Variants in ERVW-1 observed in about 807,000 individuals in gnomAD.
ERVW-1 encodes syncytin-1.
Under a neutral mutation model 16.6 loss-of-function variants are expected in ERVW-1, and 21 were observed. The observed-to-expected ratio is 1.26, with a 90% CI of 0.90 to 1.82. ERVW-1 has a LOEUF of 1.82. Ranked by LOEUF, ERVW-1 falls within the 40% of genes most tolerant of loss-of-function variation. The pLI is 0.00. For synonymous variants in ERVW-1, 161 were observed against 109.8 expected, an observed-to-expected ratio of 1.47 and a Z score of -2.92; for missense variants, 412 against 300.2, an observed-to-expected ratio of 1.37 and a Z score of -2.75.
In ERVW-1 at chr7:92,470,373, G is replaced by A; in HGVS notation, c.9C>T (p.Leu3=). 1.4e-6 allele frequency: 1 copy of A among 703,882 alleles called. No individual in the cohort carries two copies. Among genetic ancestry groups the A allele is most frequent in the South Asian group, 1.6e-5 (1 of 61,660 alleles). 43.6% of individuals were successfully genotyped at this position (703,882 alleles called of 1,614,324 possible). The change falls in exon 2 of 2, where the codon CTC becomes CTT. Residue 3 remains leucine, a synonymous_variant. Transcript: ENST00000603053. ...CAGTAAAGAGAAAAATATGATAAGG[G>A]AGGGCCATGGGGATTTATGATTTTA... is the stretch of plus-strand genomic sequence containing the variant. The part of the protein sequence containing the change: MA[L]PYHIFLFTVL...
chr7:92,472,772 C>T (rs983303945), intron 1 of ERVW-1: 1 of 152,216 alleles, frequency 6.6e-6, no homozygotes, highest in African/African-American at 2.4e-5. Flanking sequence ...GGATGTGTTC[C>T]TCACTGAGGG....
chr7:92,475,062 A>T (rs1404849569), intron 1 of ERVW-1: 2 of 152,134 alleles, frequency 1.3e-5, no homozygotes, highest in Admixed American at 1.3e-4. Context: ...CACTTTTTAC[A>T]TAATTGTGAG....
At chr7:92,476,098 G>A (rs780849875) in intron 1 of ERVW-1, among the ~76,000 whole-genome samples, 9 of 152,166 alleles carry the variant, frequency 5.9e-5, no homozygotes, top group Non-Finnish European at 1.2e-4. Context: ...GCCTAGGTCT[G>A]GTCGGACCTT....
chr7:92,469,346 A>G lies in ERVW-1; in HGVS notation c.1036T>C (p.Phe346Leu). The G allele has an allele frequency of 1.3e-6, 1 of 765,402 alleles. No homozygotes were observed. The highest frequency in any genetic ancestry group is 1.3e-5 in the South Asian group (1 of 74,534). The allele number at this position is 765,402 out of a possible 1,614,324, so 47.4% of individuals were successfully genotyped here. ...AGTTCTTGAGATAGTTTGTAGTAGA[A>G]CTGAGTAGAGGTTGTGATACCGCCA... ...GIGGITTSTQFYYKLSQELNG... is the reference protein window; with the variant it reads ...GIGGITTSTQLYYKLSQELNG... The change falls in exon 2 of 2, where the codon TTC becomes CTC. Residue 346 changes from phenylalanine to leucine, a missense_variant. By Grantham distance (22) the Phe-to-Leu change is conservative. Coordinates refer to ENST00000603053, the MANE Select transcript of ERVW-1 (RefSeq NM_001130925.2).
At position 92,477,871 on chromosome 7, in the gene ERVW-1, G is replaced by C. The variant is rs1790612912; in HGVS notation, c.-717C>G. 1 of 155,138 alleles carries C rather than the reference G, an allele frequency of 6.4e-6. No individual in the cohort carries two copies. The highest frequency in any genetic ancestry group is 1.4e-5 in the Non-Finnish European group (1 of 69,758). 9.6% of individuals were successfully genotyped at this position (155,138 alleles called of 1,614,324 possible). ...AAGAAACATGGACCAGAAGAGTGCA[G>C]TTGCAAGATTTAATAGAGTGAAATA... On this transcript the variant is annotated 5_prime_UTR_variant, in exon 1 of 2. Coordinates refer to ENST00000603053, the MANE Select transcript of ERVW-1 (RefSeq NM_001130925.2).
intron 1 of ERVW-1, among the ~76,000 whole-genome samples, chr7:92,476,781 T>A (rs1790563946): frequency 6.6e-6 from 1 of 152,062 alleles, no homozygotes; most frequent in South Asian, 2.1e-4. Context: ...TAACTGCCCA[T>A]GTCAAGAGCT....
Position 92,469,810 on chromosome 7 carries a change from G to T in ERVW-1, c.572C>A (p.Pro191His), listed in dbSNP as rs1223918305. 4 of 768,050 alleles carry T rather than the reference G, an allele frequency of 5.2e-6. No homozygotes were observed. Among genetic ancestry groups the T allele is most frequent in the Non-Finnish European group, 9.6e-6 (4 of 417,554 alleles). The allele number at this position is 768,050 out of a possible 1,614,324, so 47.6% of individuals were successfully genotyped here. A position where few individuals can be genotyped will look rare whatever the true frequency, so the allele number is the denominator to read the frequency against. The part of the protein sequence containing the change: ...QNPTNCWICL[P>H]LNFRPYVSIP... ...TGAAACATATGGCCTGAAGTTCAGG[G>T]GGAGGCATATCCAACAGTTAGTAGG... The change falls in exon 2 of 2, where the codon CCC (proline) becomes CAC (histidine). Residue 191 changes from proline to histidine, a missense_variant. Pro to His is a moderately conservative substitution (Grantham distance 77). Transcript: ENST00000603053.
intron 1 of ERVW-1, among the ~76,000 whole-genome samples, chr7:92,476,554 A>G (rs1213937845): frequency 6.6e-6 from 1 of 152,150 alleles, no homozygotes; most frequent in Admixed American, 6.6e-5. Context: ...GGAATAGGGC[A>G]CACTGTTTTT....
chr7:92,473,490 GT>G (rs746268579), intron 1 of ERVW-1, among the ~76,000 whole-genome samples: 2 of 151,974 alleles, frequency 1.3e-5, no homozygotes, highest in Admixed American at 6.6e-5. Flanking sequence ...TTGTCCTTCT[GT>G]TGCCCAGACT....
rs996558112 is a variant in ERVW-1, at chr7:92,468,863, T to C, written c.1519A>G (p.Ser507Gly). 2.6e-6 allele frequency: 2 copies of C among 764,442 alleles called. No homozygotes were observed. Among genetic ancestry groups the C allele is most frequent in the Non-Finnish European group, 4.8e-6 (2 of 417,868 alleles). The allele number at this position is 764,442 out of a possible 1,614,324, so 47.4% of individuals were successfully genotyped here. A position where few individuals can be genotyped will look rare whatever the true frequency, so the allele number is the denominator to read the frequency against. ...IYRRPLDRPA[S>G]PRSDVNDIKG... Reference sequence around the variant, plus strand: ...ATGTCATTAACATCAGATCGTGGGCTAGCAGGCCGGTCCAGGGGTCTGCGG... The same window carrying C: ...ATGTCATTAACATCAGATCGTGGGCCAGCAGGCCGGTCCAGGGGTCTGCGG... Residue 507 changes from serine (S) to glycine (G), a missense_variant, in exon 2 of 2, where the codon AGC becomes GGC. By Grantham distance (56) the Ser-to-Gly change is moderately conservative. Coordinates refer to ENST00000603053, the MANE Select transcript of ERVW-1 (RefSeq NM_001130925.2).
chr7:92,468,784 T>C lies in ERVW-1; in HGVS notation c.1598A>G (p.Asn533Ser), dbSNP rs776286661. 3 of 744,340 alleles carry C rather than the reference T, an allele frequency of 4.0e-6. No homozygotes were observed. Among genetic ancestry groups the C allele is most frequent in the Non-Finnish European group, 7.4e-6 (3 of 407,648 alleles). 46.1% of individuals were successfully genotyped at this position (744,340 alleles called of 1,614,324 possible). A position where few individuals can be genotyped will look rare whatever the true frequency, so the allele number is the denominator to read the frequency against. The change falls in exon 2 of 2, where the codon AAT (asparagine) becomes AGT (serine). Residue 533 changes from asparagine (N) to serine (S), a missense_variant. Transcript: ENST00000603053. ...ACCGCTCTAACTGCTTCCTGCTGAA[T>C]TGGGGCGTAGTAGAGGTTGTGCAGC... ...ISAAQPLLRP[N>S]SAGSS is the part of the protein sequence containing the mutation.
Position 92,469,090 on chromosome 7 carries a change from T to C in ERVW-1, c.1292A>G (p.Glu431Gly). The change falls in exon 2 of 2, where the codon GAG becomes GGG. Residue 431 changes from glutamate (E) to glycine (G), a missense_variant. Glu to Gly is a moderately conservative substitution (Grantham distance 98, BLOSUM62 -2). Coordinates refer to ENST00000603053, the MANE Select transcript of ERVW-1 (RefSeq NM_001130925.2). ...IRDRIQRRAE[E>G]LRNTGPWGLL... ...GCCCCAGGGTCCAGTGTTTCGAAGC[T>C]CCTCTGCTCTACGTTGTATTCGATC... The C allele has an allele frequency of 1.4e-6, 1 of 702,694 alleles. No individual in the cohort carries two copies. Among genetic ancestry groups the C allele is most frequent in the Non-Finnish European group, 2.6e-6 (1 of 385,670 alleles). 43.5% of individuals were successfully genotyped at this position (702,694 alleles called of 1,614,324 possible). A position where few individuals can be genotyped will look rare whatever the true frequency, so the allele number is the denominator to read the frequency against.
At chr7:92,477,170 A>T (rs865963087) in intron 1 of ERVW-1, among the ~76,000 whole-genome samples, 1 of 152,124 alleles carries the variant, frequency 6.6e-6, no homozygotes, top group Non-Finnish European at 1.5e-5. Context: ...AGAAAACTGA[A>T]AGTGGAAGCT....
At position 92,468,629 on chromosome 7, in the gene ERVW-1, AG is replaced by A; in HGVS notation, c.*135del. ...GCTAAGTTGCAAGCCCCGTGTTTAA[AG>A]GTGGATGTGGTCACCTTCCCAGCTA... On this transcript the variant is annotated 3_prime_UTR_variant, in exon 2 of 2. Transcript: ENST00000603053. 1 of 575,302 alleles carries A rather than the reference AG, an allele frequency of 1.7e-6. No individual in the cohort carries two copies. 35.6% of individuals were successfully genotyped at this position (575,302 alleles called of 1,614,324 possible).
intron 1 of ERVW-1, among the ~76,000 whole-genome samples, chr7:92,476,472 G>T (rs906632770): frequency 6.6e-6 from 1 of 152,150 alleles, no homozygotes; most frequent in Non-Finnish European, 1.5e-5. Context: ...AAAGTGGATT[G>T]GAGTGCTATA....
At chr7:92,474,261 C>T (rs1410840203) in intron 1 of ERVW-1, among the ~76,000 whole-genome samples, 1 of 152,090 alleles carries the variant, frequency 6.6e-6, no homozygotes, top group African/African-American at 2.4e-5. Flanking sequence ...CTACGGCAGA[C>T]TTTTGAAGTT....
At position 92,470,369 on chromosome 7, in the gene ERVW-1, A is replaced by G. The variant is rs1790297595; in HGVS notation, c.13T>C (p.Tyr5His). 1 of 707,752 alleles carries G rather than the reference A, an allele frequency of 1.4e-6. No homozygotes were observed. The highest frequency in any genetic ancestry group is 1.6e-5 in the South Asian group (1 of 62,530). 43.8% of individuals were successfully genotyped at this position (707,752 alleles called of 1,614,324 possible). Residue 5 changes from tyrosine (Y) to histidine (H), a missense_variant, in exon 2 of 2, where the codon TAT (tyrosine) becomes CAT (histidine). Physicochemically the swap from Tyr to His is moderately conservative, Grantham distance 83. Transcript: ENST00000603053. ...AGAACAGTAAAGAGAAAAATATGAT[A>G]AGGGAGGGCCATGGGGATTTATGAT... MALP[Y>H]HIFLFTVLLP...
Position 92,470,269 on chromosome 7 carries a change from A to G in ERVW-1, c.113T>C (p.Leu38Pro). 1.3e-6 allele frequency: 1 copy of G among 778,730 alleles called. No homozygotes were observed. The highest frequency in any genetic ancestry group is 2.4e-5 in the East Asian group (1 of 41,250). 48.2% of individuals were successfully genotyped at this position (778,730 alleles called of 1,614,324 possible). A position where few individuals can be genotyped will look rare whatever the true frequency, so the allele number is the denominator to read the frequency against. Residue 38 changes from leucine to proline, a missense_variant, in exon 2 of 2, where the codon CTA (leucine) becomes CCA (proline). Transcript: ENST00000603053. ...ATTTCCGGGACGCTGCATTCTCCATAGAAACTCTTGGTAAGGGGAGCTACT... is the reference window on the plus strand; with the variant it reads ...ATTTCCGGGACGCTGCATTCTCCATGGAAACTCTTGGTAAGGGGAGCTACT... ...MTSSSPYQEFLWRMQRPGNID... is the reference protein window; with the variant it reads ...MTSSSPYQEFPWRMQRPGNID...
chr7:92,472,782 GC>G (rs563933663), intron 1 of ERVW-1: 81 of 152,340 alleles, frequency 5.3e-4, no homozygotes, highest in African/African-American at 1.9e-3. Flanking sequence ...CTCACTGAGG[GC>G]CCTGGTGCCT....
Sources: gnomAD v4.1 joint callset for allele counts (sites outside exome capture counted in the v4.1 genomes callset) on GRCh38, gnomAD v4.1.1 for gene constraint, MANE v1.5 for transcripts, NCBI Gene and HGNC (gene_info 2026-07-23, HGNC 2026-07-21) for gene names.